Variants in PCDHA4 observed in about 807,000 individuals in gnomAD.
PCDHA4 encodes the protein protocadherin alpha-4.
Under a neutral mutation model 61.4 loss-of-function variants are expected in PCDHA4, and 49 were observed. That is an observed-to-expected ratio of 0.80 (90% CI 0.63 to 1.01). The LOEUF (loss-of-function observed/expected upper bound fraction) is 1.01, where lower values mean the gene tolerates loss of function less well. Ranked by LOEUF, PCDHA4 falls within the 50% of genes least tolerant of loss-of-function variation. The pLI, the probability that PCDHA4 is intolerant of heterozygous loss-of-function variation, is 0.00. For synonymous variants in PCDHA4, 590 were observed against 550.3 expected (o/e 1.07, Z -1.01); for missense variants, 1,254 against 1,235.8 (o/e 1.01, Z -0.22).
intron 1 of PCDHA4, chr5:140,813,385 A>G (rs1283175355): frequency 6.6e-6 from 1 of 152,194 alleles, no homozygotes; most frequent in African/African-American, 2.4e-5. Flanking sequence ...TACATGATCT[A>G]TTGCTTCTAG....
chr5:140,871,193 T>G (rs782048235), intron 1 of PCDHA4: 2 of 1,613,630 alleles, frequency 1.2e-6, no homozygotes, highest in African/African-American at 1.3e-5. Flanking sequence ...GATGTCAACG[T>G]GTACCTGATC....
chr5:140,929,681 AAG>A, intron 1 of PCDHA4: 1 of 302,408 alleles, frequency 3.3e-6, no homozygotes, highest in Non-Finnish European at 6.3e-6. Flanking sequence ...AAAAATATGT[AAG>A]AGTCTGCTTT....
chr5:140,975,890 T>C (rs542825387), intron 1 of PCDHA4, among the ~76,000 whole-genome samples: 1 of 152,310 alleles, frequency 6.6e-6, no homozygotes, highest in South Asian at 2.1e-4. Flanking sequence ...TTTCCACATA[T>C]GGAGTTTTGT....
At chr5:140,969,819 A>G (rs2096362307) in intron 1 of PCDHA4, among the ~76,000 whole-genome samples, 1 of 152,168 alleles carries the variant, frequency 6.6e-6, no homozygotes, top group African/African-American at 2.4e-5. Context: ...TATACTCTGG[A>G]CTGTCTACAG....
chr5:140,985,416 G>A (rs1554247041), intron 3 of PCDHA4, among the ~76,000 whole-genome samples: 1 of 152,142 alleles, frequency 6.6e-6, no homozygotes, highest in Non-Finnish European at 1.5e-5. Flanking sequence ...GAAATGGAGT[G>A]AGGAGGATTT....
chr5:140,856,385 C>T lies in PCDHA4; in HGVS notation c.2385+46813C>T, dbSNP rs190288099. On this transcript the variant is annotated intron_variant, in intron 1 of 3. Coordinates refer to ENST00000530339, the MANE Select transcript of PCDHA4 (RefSeq NM_018907.4). ...CCTGGAGGTGATCGTGGACAGGCCG[C>T]TGCAGGTTTTCCATGTGGACGTGGA... 1.5e-4 allele frequency: 246 copies of T among 1,598,538 alleles called. 26 individuals are homozygous for T. The highest frequency in any genetic ancestry group is 2.0e-4 in the Non-Finnish European group (228 of 1,167,982).
intron 1 of PCDHA4, among the ~76,000 whole-genome samples, chr5:140,911,856 T>C (rs1252396387): frequency 6.6e-6 from 1 of 152,184 alleles, no homozygotes; most frequent in Non-Finnish European, 1.5e-5. Context: ...TCCTTAATAG[T>C]CTGTTCTTCT....
rs576230620 is a variant in PCDHA4 at position 140,948,680 on chromosome 5, T to C, written c.2386-30269T>C. 2.0e-5 allele frequency among the ~76,000 whole-genome samples: 3 copies of C among 151,762 alleles called. No homozygotes were observed. The South Asian group carries it at 6.2e-4, about 31-fold the overall frequency. On this transcript the variant is annotated intron_variant, in intron 1 of 3. Coordinates refer to ENST00000530339, the MANE Select transcript of PCDHA4 (RefSeq NM_018907.4). Reference sequence around the variant, plus strand: ...ATCTGTAGTGATAACATCTTTTTCATTTTTGATATTGGTGATTTGTGTTCT... The same window carrying C: ...ATCTGTAGTGATAACATCTTTTTCACTTTTGATATTGGTGATTTGTGTTCT...
At chr5:140,896,191 C>T (rs987655303) in intron 1 of PCDHA4, among the ~76,000 whole-genome samples, 1 of 152,184 alleles carries the variant, frequency 6.6e-6, no homozygotes, top group African/African-American at 2.4e-5. Flanking sequence ...GTGAATAGTG[C>T]CATGATGAAC....
intron 1 of PCDHA4, chr5:140,850,341 G>A: frequency 6.3e-7 from 1 of 1,597,748 alleles, no homozygotes. Flanking sequence ...GCCAGAAACG[G>A]CCAGCGCGAG....
intron 1 of PCDHA4, among the ~76,000 whole-genome samples, chr5:140,944,182 G>T (rs542395513): frequency 1.3e-5 from 2 of 152,052 alleles, no homozygotes; most frequent in South Asian, 2.1e-4. Flanking sequence ...TTTTTTGTTG[G>T]TTTGTTTTGT....
At chr5:140,855,786 GAATT>G (rs2043624411) in intron 1 of PCDHA4, 1 of 434,404 alleles carries the variant, frequency 2.3e-6, no homozygotes, top group Non-Finnish European at 4.1e-6. Context: ...CGTAAAAAAA[GAATT>G]AACATATGAA....
At chr5:140,923,804 ATCT>A (rs1273575266) in intron 1 of PCDHA4, among the ~76,000 whole-genome samples, 1 of 152,220 alleles carries the variant, frequency 6.6e-6, no homozygotes, top group African/African-American at 2.4e-5. Flanking sequence ...CACAAATGAA[ATCT>A]TCTGAAAATA....
At chr5:140,857,150 A>C in intron 1 of PCDHA4, 1 of 1,598,240 alleles carries the variant, frequency 6.3e-7, no homozygotes, top group Non-Finnish European at 8.6e-7. Context: ...GGGCACCGTC[A>C]TTGCCCTAAT....
At chr5:140,867,257 T>C (rs1396352368) in intron 1 of PCDHA4, 1 of 152,138 alleles carries the variant, frequency 6.6e-6, no homozygotes, top group Non-Finnish European at 1.5e-5. Flanking sequence ...TGTTGTTTCC[T>C]TTTGTTCAAA....
At chr5:140,848,605 A>G in intron 1 of PCDHA4, 4 of 1,593,610 alleles carry the variant, frequency 2.5e-6, no homozygotes, top group African/African-American at 2.7e-5. Flanking sequence ...TCCGTCCCGG[A>G]GGAAGCCGAA....
chr5:140,876,138 A>G (rs781923596), intron 1 of PCDHA4: 1 of 1,613,952 alleles, frequency 6.2e-7, no homozygotes. Context: ...AACCAGAACT[A>G]ACAGGGTCTG....
intron 1 of PCDHA4, chr5:140,842,086 A>G: frequency 1.2e-6 from 2 of 1,613,926 alleles, no homozygotes; most frequent in Non-Finnish European, 1.7e-6. Flanking sequence ...TCGAAAACGC[A>G]GACAACGGAA....
rs548122977 is a variant in PCDHA4 at position 141,010,588 on chromosome 5, T to C, written c.*651T>C. ...AGGCTTTAGGAGACCCTAAAGTCTG[T>C]TGGCTGTGACGTCATTATACCTAAA... On this transcript the variant is annotated 3_prime_UTR_variant, in exon 4 of 4. Coordinates refer to ENST00000530339, the MANE Select transcript of PCDHA4 (RefSeq NM_018907.4). 5 of 233,334 alleles carry C rather than the reference T, an allele frequency of 2.1e-5. No individual in the cohort carries two copies. In the East Asian group the frequency reaches 4.8e-4, roughly 22 times the overall value. 14.5% of individuals were successfully genotyped at this position (233,334 alleles called of 1,614,324 possible).
Sources: gnomAD v4.1 joint callset for allele counts (sites outside exome capture counted in the v4.1 genomes callset) on GRCh38, gnomAD v4.1.1 for gene constraint, MANE v1.5 for transcripts, NCBI Gene and HGNC (gene_info 2026-07-23, HGNC 2026-07-21) for gene names.